Variants in GNA14 observed in about 807,000 individuals in gnomAD.
GNA14 encodes the protein guanine nucleotide-binding protein subunit alpha-14.
Under a neutral mutation model 42.0 loss-of-function variants are expected in GNA14, and 50 were observed. That is an observed-to-expected ratio of 1.19 (90% CI 0.95 to 1.51). The LOEUF is 1.51. Among genes scored for constraint, GNA14 ranks in the 40% most tolerant of loss-of-function variants. The pLI, the probability that GNA14 is intolerant of heterozygous loss-of-function variation, is 0.00. For synonymous variants in GNA14, 173 were observed against 163.1 expected (o/e 1.06, Z -0.46); for missense variants, 473 against 446.2 (o/e 1.06, Z -0.54).
chr9:77,579,112 T>C (rs1823175157), intron 1 of GNA14, among the ~76,000 whole-genome samples: 1 of 152,198 alleles, frequency 6.6e-6, no homozygotes. Flanking sequence ...CTCTGAGATC[T>C]AGGGCATCAG....
intron 2 of GNA14, among the ~76,000 whole-genome samples, chr9:77,498,439 G>C (rs1008434485): frequency 3.3e-5 from 5 of 151,024 alleles, no homozygotes; most frequent in South Asian, 2.1e-4. Context: ...ATTTGGGTCT[G>C]TTTTATTCAC....
rs866013597 is a variant in GNA14, at chr9:77,525,912, A to T, written c.309+3157T>A. On this transcript the variant is annotated intron_variant, in intron 2 of 6. Transcript: ENST00000341700. ...CAATGAGATTTGGGACTTTTTTTAA[A>T]AAAAAAAAAAAACGGAGTTTCACTT... Among the ~76,000 whole-genome samples, 260 of 39,534 alleles carry T rather than the reference A, an allele frequency of 6.6e-3. 3 individuals are homozygous for T. The Middle Eastern group carries it at 0.14, about 21-fold the overall frequency. 25.9% of individuals were successfully genotyped at this position (39,534 alleles called of 152,430 possible).
chr9:77,598,010 G>A (rs1018686878), intron 1 of GNA14, among the ~76,000 whole-genome samples: 10 of 152,154 alleles, frequency 6.6e-5, no homozygotes, highest in Admixed American at 5.9e-4. Flanking sequence ...CTGCATTCCA[G>A]CCTGGGCAAC....
chr9:77,454,577 ATTTTTT>A (rs35309093), intron 2 of GNA14, among the ~76,000 whole-genome samples: 27 of 128,608 alleles, frequency 2.1e-4, no homozygotes, highest in African/African-American at 7.2e-4. Flanking sequence ...GGCCATCAGG[ATTTTTT>A]TTTTTTTTTT....
At chr9:77,537,990 T>C (rs1296776464) in intron 1 of GNA14, among the ~76,000 whole-genome samples, 2 of 152,166 alleles carry the variant, frequency 1.3e-5, no homozygotes, top group Non-Finnish European at 2.9e-5. Flanking sequence ...TGATCAATAG[T>C]TTGCAAATAT....
intron 1 of GNA14, among the ~76,000 whole-genome samples, chr9:77,536,553 G>C (rs185032547): frequency 1.7e-3 from 256 of 152,282 alleles, no homozygotes; most frequent in Non-Finnish European, 2.9e-3. Context: ...GTTTCACCAC[G>C]TTGGCCAGGC....
chr9:77,525,970 G>A (rs1837430730), intron 2 of GNA14, among the ~76,000 whole-genome samples: 1 of 147,622 alleles, frequency 6.8e-6, no homozygotes, highest in East Asian at 2.0e-4. Context: ...GGCACCATCT[G>A]AGCTCACTGC....
chr9:77,613,474 G>A (rs2117950476), intron 1 of GNA14, among the ~76,000 whole-genome samples: 1 of 152,336 alleles, frequency 6.6e-6, no homozygotes, highest in African/African-American at 2.4e-5. Context: ...ATACGGCATG[G>A]TGCCTATAAC....
At chr9:77,458,301 A>G (rs1012528939) in intron 2 of GNA14, among the ~76,000 whole-genome samples, 61 of 151,598 alleles carry the variant, frequency 4.0e-4, no homozygotes, top group African/African-American at 1.5e-3. Context: ...TTGAGGGGGG[A>G]AAAGAAAGTC....
At chr9:77,554,933 T>C (rs1822748024) in intron 1 of GNA14, among the ~76,000 whole-genome samples, 1 of 152,246 alleles carries the variant, frequency 6.6e-6, no homozygotes, top group Admixed American at 6.5e-5. Flanking sequence ...TAAAGTCAGA[T>C]AACAAAACGT....
intron 2 of GNA14, among the ~76,000 whole-genome samples, chr9:77,440,773 T>G (rs945449288): frequency 6.6e-6 from 1 of 152,208 alleles, no homozygotes; most frequent in Non-Finnish European, 1.5e-5. Flanking sequence ...TGGAGTGCAG[T>G]GGCGCAATCT....
intron 1 of GNA14, among the ~76,000 whole-genome samples, chr9:77,641,163 A>G (rs1426015404): frequency 1.6e-5 from 2 of 125,106 alleles, no homozygotes; most frequent in Non-Finnish European, 3.4e-5. Flanking sequence ...GAAGGAAGGA[A>G]GGAAGGAAGG....
Position 77,601,763 on chromosome 9 carries a change from AT to A in GNA14, c.124+45906del, listed in dbSNP as rs148651844. Among the ~76,000 whole-genome samples the A allele has an allele frequency of 4.2e-3, 642 of 152,342 alleles. 23 individuals are homozygous for A. The East Asian group carries it at 0.08, about 19-fold the overall frequency. ...TAGGTCCCGGGCAGTGGGCAGTCCC[AT>A]CTGACGGAAGCCCACTGGTGCCGGG... On this transcript the variant is annotated intron_variant, in intron 1 of 6. Transcript: ENST00000341700.
chr9:77,440,876 C>T lies in GNA14; in HGVS notation c.310-6354G>A, dbSNP rs182544143. Among the ~76,000 whole-genome samples, 43 of 152,128 alleles carry T rather than the reference C, an allele frequency of 2.8e-4. 1 individual carries two copies. In the East Asian group the frequency reaches 8.2e-3, roughly 29 times the overall value. The stretch of plus-strand genomic sequence containing the variant: ...GATTACAGGTGCCCACCACCATGCC[C>T]GGCTAATTTTTGTATTTTTAGTAGA... On this transcript the variant is annotated intron_variant, in intron 2 of 6. Coordinates refer to ENST00000341700, the MANE Select transcript of GNA14 (RefSeq NM_004297.4).
rs570266578 is a variant in GNA14 at position 77,622,808 on chromosome 9, G to A, written c.124+24862C>T. Among the ~76,000 whole-genome samples, 14 of 150,776 alleles carry A rather than the reference G, an allele frequency of 9.3e-5. 1 individual carries two copies. The East Asian group carries it at 1.6e-3, about 17-fold the overall frequency. On this transcript the variant is annotated intron_variant, in intron 1 of 6. Transcript: ENST00000341700. Reference sequence around the variant, plus strand: ...GCTTGGGAGGCTGAGGCAGGAGAATGGTGTGAACCCAGGAGGCAGAGCTTA... The same window carrying A: ...GCTTGGGAGGCTGAGGCAGGAGAATAGTGTGAACCCAGGAGGCAGAGCTTA...
chr9:77,581,188 T>C (rs1264334990), intron 1 of GNA14, among the ~76,000 whole-genome samples: 2 of 152,204 alleles, frequency 1.3e-5, no homozygotes, highest in Non-Finnish European at 2.9e-5. Flanking sequence ...GAGTCCCATT[T>C]ACCGGGACCA....
chr9:77,539,369 G>A (rs904588903), intron 1 of GNA14, among the ~76,000 whole-genome samples: 1 of 152,152 alleles, frequency 6.6e-6, no homozygotes, highest in Non-Finnish European at 1.5e-5. Context: ...GTTGGTCATG[G>A]TGCATTATGT....
At chr9:77,488,784 T>TAAAAAAAAAAAAAAAAAAAAAAAA (rs67416479) in intron 2 of GNA14, among the ~76,000 whole-genome samples, 2 of 53,684 alleles carry the variant, frequency 3.7e-5, no homozygotes, top group Admixed American at 2.4e-4. Context: ...CACACCTAAT[T>TAAAAAAAAAAAAAAAAAAAAAAAA]AAAAAAAAAA....
intron 1 of GNA14, among the ~76,000 whole-genome samples, chr9:77,617,016 C>T (rs1823833347): frequency 1.3e-5 from 2 of 151,964 alleles, no homozygotes; most frequent in Non-Finnish European, 2.9e-5. Context: ...ACTACAGGCA[C>T]CCACCACCAC....
Sources: gnomAD v4.1 joint callset for allele counts (sites outside exome capture counted in the v4.1 genomes callset) on GRCh38, gnomAD v4.1.1 for gene constraint, MANE v1.5 for transcripts, NCBI Gene and HGNC (gene_info 2026-07-23, HGNC 2026-07-21) for gene names.